Variants in ZFHX4 observed in about 807,000 individuals in gnomAD.
ZFHX4 encodes the protein zinc finger homeobox 4, also known as zinc finger homeobox protein 4.
In ZFHX4, 56 loss-of-function variants were observed where a neutral mutation model predicts 267.6. The observed-to-expected ratio is 0.21, with a 90% CI of 0.17 to 0.26. The LOEUF (loss-of-function observed/expected upper bound fraction) is 0.26. ZFHX4 is among the 10% of genes least tolerant of loss of function. The pLI is 1.00. For synonymous variants in ZFHX4, 1,778 were observed against 1,665.6 expected (o/e 1.07, Z -1.64); for missense variants, 4,332 against 4,420.0 (o/e 0.98, Z 0.56).
At chr8:76,694,677 C>G (rs1482304949) in intron 1 of ZFHX4, among the ~76,000 whole-genome samples, 1 of 119,724 alleles carries the variant, frequency 8.4e-6, no homozygotes. Context: ...CCCCCACCCT[C>G]CGCCCCCTGC....
chr8:76,703,811 A>G (rs189090143), intron 1 of ZFHX4, among the ~76,000 whole-genome samples: 1 of 152,340 alleles, frequency 6.6e-6, no homozygotes, highest in East Asian at 1.9e-4. Flanking sequence ...GAATGCTCAT[A>G]GCGACTATGA....
intron 4 of ZFHX4, among the ~76,000 whole-genome samples, chr8:76,802,629 G>A (rs1418378914): frequency 2.0e-5 from 3 of 152,086 alleles, no homozygotes; most frequent in African/African-American, 4.8e-5. Context: ...TATATGATAT[G>A]GTACAAAATG....
chr8:76,711,412 T>C (rs1034902473), intron 3 of ZFHX4, among the ~76,000 whole-genome samples: 1 of 152,160 alleles, frequency 6.6e-6, no homozygotes, highest in African/African-American at 2.4e-5. Flanking sequence ...GAATATGTAT[T>C]CAAAGTGAGA....
At chr8:76,829,706 G>A (rs1399082521) in intron 4 of ZFHX4, among the ~76,000 whole-genome samples, 1 of 152,090 alleles carries the variant, frequency 6.6e-6, no homozygotes, top group Non-Finnish European at 1.5e-5. Context: ...CTACTTGTGA[G>A]GCTGGGGCAG....
At chr8:76,758,816 A>G (rs991412416) in intron 3 of ZFHX4, among the ~76,000 whole-genome samples, 16 of 152,030 alleles carry the variant, frequency 1.1e-4, no homozygotes, top group African/African-American at 3.6e-4. Flanking sequence ...TATTATTTTT[A>G]TGACTCCTGA....
intron 4 of ZFHX4, among the ~76,000 whole-genome samples, chr8:76,824,087 A>G (rs1421489910): frequency 6.6e-6 from 1 of 152,232 alleles, no homozygotes; most frequent in African/African-American, 2.4e-5. Context: ...TGGTGCCAAC[A>G]TATTAATAGA....
chr8:76,739,276 G>A (rs1248986220), intron 3 of ZFHX4, among the ~76,000 whole-genome samples: 1 of 152,132 alleles, frequency 6.6e-6, no homozygotes, highest in Non-Finnish European at 1.5e-5. Flanking sequence ...TTTAAAAACT[G>A]TTATTCTTAA....
At chr8:76,717,113 T>C (rs1303309010) in intron 3 of ZFHX4, among the ~76,000 whole-genome samples, 1 of 152,206 alleles carries the variant, frequency 6.6e-6, no homozygotes, top group East Asian at 1.9e-4. Context: ...CTTCTCCTGG[T>C]TTCCTTACAA....
chr8:76,789,206 G>A (rs1810772323), intron 4 of ZFHX4, among the ~76,000 whole-genome samples: 1 of 152,150 alleles, frequency 6.6e-6, no homozygotes, highest in Non-Finnish European at 1.5e-5. Context: ...ATATCAAAGA[G>A]TGCACCAACA....
intron 3 of ZFHX4, among the ~76,000 whole-genome samples, chr8:76,761,479 T>A (rs1809911226): frequency 6.6e-6 from 1 of 152,336 alleles, no homozygotes; most frequent in Non-Finnish European, 1.5e-5. Context: ...ACTTATATAT[T>A]ATATTTTACA....
At chr8:76,771,541 C>A (rs535415445) in intron 3 of ZFHX4, among the ~76,000 whole-genome samples, 1 of 152,224 alleles carries the variant, frequency 6.6e-6, no homozygotes, top group African/African-American at 2.4e-5. Context: ...TGGACTCAAG[C>A]CATTCTCCTG....
intron 4 of ZFHX4, among the ~76,000 whole-genome samples, chr8:76,784,184 A>G (rs1810626054): frequency 6.6e-6 from 1 of 152,014 alleles, no homozygotes; most frequent in South Asian, 2.1e-4. Flanking sequence ...GATAATTCAT[A>G]AAAGCTCAGT....
chr8:76,851,114 G>A lies in ZFHX4; in HGVS notation c.4193G>A (p.Arg1398His), dbSNP rs557590366. Residue 1398 changes from arginine to histidine, a missense_variant, in exon 10 of 11, where the codon CGC becomes CAC. Arg to His is a conservative substitution (Grantham distance 29). Transcript: ENST00000651372. The part of the protein sequence containing the change: ...SVSDRHVYKY[R>H]CNHCSLAFKT... ...TCTGACCGTCATGTCTACAAGTATC[G>A]CTGTAACCATTGTAGCTTGGCTTTC... 1.3e-5 allele frequency: 21 copies of A among 1,613,946 alleles called. No individual in the cohort carries two copies. Among genetic ancestry groups the A allele is most frequent in the East Asian group, 4.5e-5 (2 of 44,866 alleles).
intron 3 of ZFHX4, among the ~76,000 whole-genome samples, chr8:76,722,263 T>C (rs1224681792): frequency 6.6e-6 from 1 of 152,080 alleles, no homozygotes; most frequent in Non-Finnish European, 1.5e-5. Flanking sequence ...CATGATAAGC[T>C]CCTATACCAT....
chr8:76,775,895 C>CTTT (rs904035424), intron 3 of ZFHX4, among the ~76,000 whole-genome samples: 3 of 122,472 alleles, frequency 2.4e-5, no homozygotes, highest in African/African-American at 8.7e-5. Flanking sequence ...AGTAAGTTTT[C>CTTT]TTTTTTTTTT....
intron 3 of ZFHX4, among the ~76,000 whole-genome samples, chr8:76,760,932 A>AAAAAAAAAAAAAAAAAAAGAG (rs1227909286): frequency 1.3e-5 from 2 of 149,388 alleles, no homozygotes; most frequent in East Asian, 2.0e-4. Flanking sequence ...CTGCCTCAAA[A>AAAAAAAAAAAAAAAAAAAGAG]AAAAAAAAAA....
At chr8:76,835,847 A>G (rs1812079701) in intron 5 of ZFHX4, among the ~76,000 whole-genome samples, 1 of 152,138 alleles carries the variant, frequency 6.6e-6, no homozygotes, top group Non-Finnish European at 1.5e-5. Context: ...CAAAATCTAC[A>G]TTATTGCTTC....
chr8:76,839,090 AG>A (rs2131906526), intron 5 of ZFHX4, among the ~76,000 whole-genome samples: 1 of 149,340 alleles, frequency 6.7e-6, no homozygotes, highest in Admixed American at 6.6e-5. Flanking sequence ...AGAGAGAGAG[AG>A]AGAGAGAGAA....
At chr8:76,799,772 ACCT>A (rs1585957964) in intron 4 of ZFHX4, among the ~76,000 whole-genome samples, 1 of 152,170 alleles carries the variant, frequency 6.6e-6, no homozygotes, top group East Asian at 1.9e-4. Flanking sequence ...TTAAAACACC[ACCT>A]AGAAATGCTT....
Sources: allele counts gnomAD v4.1 joint callset (sites outside exome capture counted in the v4.1 genomes callset), GRCh38; gene constraint gnomAD v4.1.1; transcripts MANE v1.5; gene names NCBI Gene and HGNC (gene_info 2026-07-23, HGNC 2026-07-21).